Variants in HMG20A observed in about 807,000 individuals in gnomAD.
HMG20A encodes high mobility group 20A.
In HMG20A, 17 loss-of-function variants were observed where a neutral mutation model predicts 43.9. The ratio of observed to expected loss-of-function variants is 0.39; its 90% CI spans 0.27 to 0.58. HMG20A has a LOEUF of 0.58. HMG20A is among the 20% of genes least tolerant of loss of function. HMG20A has a pLI of 0.59. For synonymous variants in HMG20A, 132 were observed against 147.5 expected (o/e 0.89, Z 0.76); for missense variants, 341 against 438.2 (o/e 0.78, Z 1.98).
chr15:77,465,779 T>TTA (rs1371202922), intron 3 of HMG20A, among the ~76,000 whole-genome samples: 1 of 152,238 alleles, frequency 6.6e-6, no homozygotes, highest in Admixed American at 6.5e-5. Flanking sequence ...TTATACCATT[T>TTA]TATATATATT....
At chr15:77,510,990 A>G in the HMG20A span, among the ~76,000 whole-genome samples, 4 of 152,146 alleles carry the variant, frequency 2.6e-5, no homozygotes, top group African/African-American at 9.7e-5. Context: ...CCTTCCCCCA[A>G]CACTTCGTGA....
At chr15:77,480,165 G>A (rs759467860) in intron 9 of HMG20A, among the ~76,000 whole-genome samples, 36 of 151,962 alleles carry the variant, frequency 2.4e-4, no homozygotes, top group Admixed American at 7.9e-4. Flanking sequence ...GGTGGTATGC[G>A]CTTGTGGTCC....
intron 3 of HMG20A, among the ~76,000 whole-genome samples, chr15:77,466,532 A>C (rs1487649021): frequency 6.6e-6 from 1 of 152,248 alleles, no homozygotes; most frequent in African/African-American, 2.4e-5. Flanking sequence ...GCTATCTGCT[A>C]TCTGCTATGG....
At chr15:77,517,580 CT>C in the HMG20A span, among the ~76,000 whole-genome samples, 1 of 151,146 alleles carries the variant, frequency 6.6e-6, no homozygotes, top group East Asian at 2.0e-4. Context: ...AGAAAATTGT[CT>C]CTAATTTGAG....
chr15:77,499,965 G>A, the HMG20A span, among the ~76,000 whole-genome samples: 1 of 151,856 alleles, frequency 6.6e-6, no homozygotes, highest in East Asian at 1.9e-4. Flanking sequence ...CTAATAGCTG[G>A]GACTACAGGG....
intron 3 of HMG20A, among the ~76,000 whole-genome samples, chr15:77,464,997 T>C (rs1362593319): frequency 6.6e-6 from 1 of 152,050 alleles, no homozygotes; most frequent in Non-Finnish European, 1.5e-5. Context: ...TGGTAGCTCA[T>C]GCCTGTAATC....
At chr15:77,441,672 T>C (rs143867321) in intron 1 of HMG20A, among the ~76,000 whole-genome samples, 152 of 152,294 alleles carry the variant, frequency 1.0e-3, no homozygotes, top group Non-Finnish European at 2.0e-3. Context: ...ATATCATCCT[T>C]TATCAAATAT....
At chr15:77,478,574 T>C in intron 8 of HMG20A, 64 bp downstream of exon 8, 1 of 1,295,256 alleles carries the variant, frequency 7.7e-7, no homozygotes, top group Non-Finnish European at 1.1e-6. Context: ...AGTGGGGTGC[T>C]GTTTATGTTA....
intron 4 of HMG20A, among the ~76,000 whole-genome samples, chr15:77,469,948 G>A (rs887866318): frequency 1.3e-5 from 2 of 151,984 alleles, no homozygotes; most frequent in African/African-American, 4.8e-5. Flanking sequence ...GATTACGTGC[G>A]TGAGCCACCA....
intron 6 of HMG20A, 140 bp from the exon 7 acceptor site, chr15:77,477,415 A>C: frequency 1.6e-6 from 1 of 631,506 alleles, no homozygotes; most frequent in Non-Finnish European, 2.7e-6. Context: ...AGATGAATAC[A>C]TTTCCCTCAC....
chr15:77,428,269 A>G (rs564124396), intron 1 of HMG20A, among the ~76,000 whole-genome samples: 24 of 152,270 alleles, frequency 1.6e-4, no homozygotes, highest in Admixed American at 1.2e-3. Flanking sequence ...GATGGTAACA[A>G]AGAAGGAGGA....
chr15:77,495,053 G>C, the HMG20A span, among the ~76,000 whole-genome samples: 1 of 152,214 alleles, frequency 6.6e-6, no homozygotes, highest in African/African-American at 2.4e-5. Context: ...AGGCCTGCTT[G>C]CTCTGCAAAA....
the HMG20A span, among the ~76,000 whole-genome samples, chr15:77,502,432 C>T: frequency 1.1e-4 from 16 of 152,352 alleles, no homozygotes; most frequent in African/African-American, 3.6e-4. Context: ...CTTGCCAATC[C>T]AGCATCTTCT....
At chr15:77,502,305 A>T in the HMG20A span, among the ~76,000 whole-genome samples, 1 of 152,194 alleles carries the variant, frequency 6.6e-6, no homozygotes, top group East Asian at 1.9e-4. Context: ...TACTGAAAAA[A>T]TTTGCCAAGC....
At chr15:77,507,013 A>G in the HMG20A span, among the ~76,000 whole-genome samples, 1 of 152,256 alleles carries the variant, frequency 6.6e-6, no homozygotes, top group Non-Finnish European at 1.5e-5. Flanking sequence ...AGTAAAGCAC[A>G]GGGCCCTCCT....
At chr15:77,480,377 G>A (rs1015988814) in intron 9 of HMG20A, among the ~76,000 whole-genome samples, 1 of 151,994 alleles carries the variant, frequency 6.6e-6, no homozygotes, top group African/African-American at 2.4e-5. Flanking sequence ...ACTTTGGGAG[G>A]TTGAGGCAGT....
chr15:77,478,613 TC>T, intron 8 of HMG20A, 103 bp downstream of exon 8: 1 of 847,796 alleles, frequency 1.2e-6, no homozygotes. Context: ...TGAAATCTCC[TC>T]CAGAGGAAAA....
intron 1 of HMG20A, among the ~76,000 whole-genome samples, chr15:77,425,893 C>G (rs1049662247): frequency 6.6e-6 from 1 of 152,060 alleles, no homozygotes; most frequent in African/African-American, 2.4e-5. Context: ...TATTGGATGA[C>G]TAAACAAAAT....
At chr15:77,514,241 T>C in the HMG20A span, among the ~76,000 whole-genome samples, 1 of 152,220 alleles carries the variant, frequency 6.6e-6, no homozygotes, top group Non-Finnish European at 1.5e-5. Flanking sequence ...GAATTAATTA[T>C]TAATACACGC....
Sources: gnomAD v4.1 joint callset for allele counts (sites outside exome capture counted in the v4.1 genomes callset) on GRCh38, gnomAD v4.1.1 for gene constraint, MANE v1.5 for transcripts, NCBI Gene and HGNC (gene_info 2026-07-23, HGNC 2026-07-21) for gene names.